The following TRPM4 variants were observed in gnomAD, a reference collection of about 807,000 sequenced individuals.
TRPM4 encodes the protein transient receptor potential cation channel subfamily M member 4.
In TRPM4, 124 loss-of-function variants were observed where a neutral mutation model predicts 135.6. That is an observed-to-expected ratio of 0.91 (90% confidence interval 0.79 to 1.06). The LOEUF (loss-of-function observed/expected upper bound fraction) is 1.06. Ranked by LOEUF, TRPM4 falls within the 50% of genes least tolerant of loss-of-function variation. TRPM4 has a pLI of 0.00. For missense variants in TRPM4, 1,658 were observed against 1,671.4 expected (o/e 0.99, Z 0.14); for synonymous variants, 745 against 705.6 (o/e 1.06, Z -0.88).
chr19:49,158,081 G>A (rs1443427764), intron 1 of TRPM4, 111 bp from the exon 2 acceptor site: 5 of 1,314,038 alleles, frequency 3.8e-6, no homozygotes, highest in Admixed American at 1.7e-5. Flanking sequence ...CTGGGGGCCC[G>A]GACTCCTGTG....
At chr19:49,186,160 A>T (rs960841874) in intron 12 of TRPM4, among the ~76,000 whole-genome samples, 8 of 152,124 alleles carry the variant, frequency 5.3e-5, no homozygotes, top group Non-Finnish European at 8.8e-5. Context: ...CTTGACAGAG[A>T]TATCCTTAAA....
intron 3 of TRPM4, among the ~76,000 whole-genome samples, chr19:49,166,702 CTG>C (rs1355912671): frequency 2.2e-4 from 33 of 150,044 alleles, no homozygotes; most frequent in Non-Finnish European, 3.7e-4. Context: ...CTCTTTGGGT[CTG>C]TGTTTCCGCT....
chr19:49,171,463 G>A lies in TRPM4; in HGVS notation c.858+45G>A. On this transcript the variant is annotated intron_variant, in intron 7 of 24. Coordinates refer to ENST00000252826, the MANE Select transcript of TRPM4 (RefSeq NM_017636.4). This position sits in a 1 kb window ranked among gnomAD's most constrained non-coding sequence, Gnocchi z 4.7. ...CGGATCTAAGGGGGAAGGAGGGTTG[G>A]GGGCCAGGACTCCTGGGTCCTGAGT... is the stretch of plus-strand genomic sequence containing the variant. 1 of 1,613,434 alleles carries A rather than the reference G, an allele frequency of 6.2e-7. No homozygotes were observed. The highest frequency in any genetic ancestry group is 1.3e-5 in the African/African-American group (1 of 75,022).
In TRPM4 at chr19:49,182,698, C is replaced by T. The variant is rs1412228220; in HGVS notation, c.1384C>T (p.Gln462Ter). The stretch of plus-strand genomic sequence containing the variant: ...CTTCCTGACCCCGATGCGCCTGGCC[C>T]AACTCTACAGCGCGGCGCCCTCCAA... ...GHFLTPMRLAQLYSAAPSNSL... is the reference protein window; with the variant it reads ...GHFLTPMRLA Residue 462 changes from glutamine to a stop codon, truncating the protein, a stop_gained, in exon 11 of 25, where the codon CAA becomes TAA. Transcript: ENST00000252826. LOFTEE classifies it high-confidence loss of function. 1 of 1,614,050 alleles carries T rather than the reference C, an allele frequency of 6.2e-7. No individual in the cohort carries two copies. Among genetic ancestry groups the T allele is most frequent in the African/African-American group, 1.3e-5 (1 of 74,948 alleles).
chr19:49,173,755 T>C (rs1967564326), intron 9 of TRPM4, among the ~76,000 whole-genome samples: 1 of 151,918 alleles, frequency 6.6e-6, no homozygotes, highest in Admixed American at 6.6e-5. Context: ...CCTCCCAGGC[T>C]CAAGTGATCC....
rs1411121338 is a variant in TRPM4 at position 49,210,429 on chromosome 19, A to T, written c.3328+24A>T. ...CCGTAAGAACAGAGCTTGGCTTAAA[A>T]AGGAGAAATATAGGGGACCGGGAGC... is the stretch of plus-strand genomic sequence containing the variant. On this transcript the variant is annotated intron_variant, in intron 21 of 24. Coordinates refer to ENST00000252826, the MANE Select transcript of TRPM4 (RefSeq NM_017636.4). The surrounding 1 kb of genome is among the most constrained non-coding windows in gnomAD (Gnocchi z 4.1). The T allele has an allele frequency of 6.2e-7, 1 of 1,610,258 alleles. No individual in the cohort carries two copies. The highest frequency in any genetic ancestry group is 1.7e-5 in the Admixed American group (1 of 60,002).
Position 49,183,122 on chromosome 19 carries a change from T to C in TRPM4, c.1653T>C (p.Asp551=). 6.2e-7 allele frequency: 1 copy of C among 1,613,838 alleles called. No individual in the cohort carries two copies. Among genetic ancestry groups the C allele is most frequent in the Non-Finnish European group, 8.5e-7 (1 of 1,180,014 alleles). Residue 551 remains aspartate, a synonymous_variant, in exon 12 of 25, where the codon GAT becomes GAC. Transcript: ENST00000252826. ...SDKATSPLSL[D]AGLGQAPWSD... is the part of the protein sequence containing the mutation. ...AGGCCACCTCGCCGCTCTCGCTGGATGCTGGCCTCGGGCAGGCCCCCTGGA... is the reference window on the plus strand; with the variant it reads ...AGGCCACCTCGCCGCTCTCGCTGGACGCTGGCCTCGGGCAGGCCCCCTGGA...
At chr19:49,193,123 C>T (rs964974795) in intron 16 of TRPM4, among the ~76,000 whole-genome samples, 2 of 150,128 alleles carry the variant, frequency 1.3e-5, no homozygotes, top group African/African-American at 4.9e-5. Flanking sequence ...CTCTGTCGCC[C>T]AGGCTGGAGT....
chr19:49,174,973 G>C (rs576615060), intron 9 of TRPM4, among the ~76,000 whole-genome samples: 2 of 149,012 alleles, frequency 1.3e-5, no homozygotes, highest in South Asian at 4.3e-4. Context: ...GTGTGATCTT[G>C]ACCCACTACA....
chr19:49,174,878 A>T (rs1967616807), intron 9 of TRPM4, among the ~76,000 whole-genome samples: 1 of 150,638 alleles, frequency 6.6e-6, no homozygotes, highest in South Asian at 2.1e-4. Flanking sequence ...CTGTGTGGGG[A>T]GGGTCATTTT....
intron 9 of TRPM4, among the ~76,000 whole-genome samples, chr19:49,173,454 C>T (rs1453255356): frequency 1.3e-5 from 2 of 152,340 alleles, no homozygotes; most frequent in East Asian, 3.9e-4. Flanking sequence ...ACTGTTCTTC[C>T]ATCTATCCAT....
rs2041543680 is a variant in TRPM4 at position 49,157,899 on chromosome 19, CG to C, written c.24+11del. The C allele has an allele frequency of 6.5e-7, 1 of 1,535,224 alleles. No individual in the cohort carries two copies. Among genetic ancestry groups the C allele is most frequent in the Non-Finnish European group, 8.7e-7 (1 of 1,146,532 alleles). On this transcript the variant is annotated intron_variant, in intron 1 of 24. Transcript: ENST00000252826. ...TGCCGGAGAAGGAGCAGGTGAGCGC[CG>C]GACCAGGGTCTGCGGGAGCGCGGAG... is the stretch of plus-strand genomic sequence containing the variant.
Position 49,210,795 on chromosome 19 carries a change from G to T in TRPM4, c.3414G>T (p.Arg1138Ser). 6.2e-7 allele frequency: 1 copy of T among 1,613,876 alleles called. No individual in the cohort carries two copies. Among genetic ancestry groups the T allele is most frequent in the South Asian group, 1.1e-5 (1 of 90,956 alleles). Residue 1138 changes from arginine (R) to serine (S), a missense_variant, in exon 22 of 25, where the codon AGG (arginine) becomes AGT (serine). Coordinates refer to ENST00000252826, the MANE Select transcript of TRPM4 (RefSeq NM_017636.4). This position sits in a 1 kb window ranked among gnomAD's most constrained non-coding sequence, Gnocchi z 4.1. ...HKENFLLARA[R>S]DKRESDSERL... ...AGAACTTTCTGCTGGCACGCGCTAG[G>T]GACAAGCGGGAGAGCGACTCCGAGC...
Position 49,158,227 on chromosome 19 carries a change from CA to C in TRPM4, c.61del (p.Thr21ArgfsTer4). Reference protein sequence around the residue: ...IPKIFKKKTCTTFIVDSTDPG... With the variant: ...IPKIFKKKTCXTFIVDSTDPG... ...CCAAGATCTTCAAGAAGAAGACCTG[CA>C]CGACGTTCATAGTTGACTCCACAGA... On this transcript the variant is annotated frameshift_variant, in exon 2 of 25. Transcript: ENST00000252826. LOFTEE classifies it high-confidence loss of function. 6.2e-7 allele frequency: 1 copy of C among 1,613,922 alleles called. No homozygotes were observed. Among genetic ancestry groups the C allele is most frequent in the African/African-American group, 1.3e-5 (1 of 74,984 alleles).
chr19:49,184,902 T>C (rs1465099393), intron 12 of TRPM4, among the ~76,000 whole-genome samples: 1 of 151,784 alleles, frequency 6.6e-6, no homozygotes, highest in African/African-American at 2.4e-5. Context: ...AAGACCTATA[T>C]ACAGATAAGA....
intron 16 of TRPM4, among the ~76,000 whole-genome samples, chr19:49,195,053 C>T (rs924328656): frequency 1.1e-4 from 16 of 151,916 alleles, no homozygotes; most frequent in East Asian, 3.9e-4. Flanking sequence ...TGAGCTACCA[C>T]GCCCAGCCTC....
rs201844324 is a variant in TRPM4, at chr19:49,185,750, C to CT, written c.1743+2546dup. Among the ~76,000 whole-genome samples the CT allele has an allele frequency of 1.6e-4, 24 of 150,754 alleles. No homozygotes were observed. In the South Asian group the frequency reaches 4.4e-3, roughly 28 times the overall value. On this transcript the variant is annotated intron_variant, in intron 12 of 24. Transcript: ENST00000252826. ...TTAGTGACTTTTCTTTTTTCTTTTTCTTTTTTTTGGGGGGAGGGGGGATGG... is the reference window on the plus strand; with the variant it reads ...TTAGTGACTTTTCTTTTTTCTTTTTCTTTTTTTTTGGGGGGAGGGGGGATGG...
rs969659972 is a variant in TRPM4, at chr19:49,206,533, G to A, written c.3132-3676G>A. Reference sequence around the variant, plus strand: ...CAGCTCACCACAACCTCTGCCTCCCGGGCTCAAGCGATTCTCCTGCCTCAG... The same window carrying A: ...CAGCTCACCACAACCTCTGCCTCCCAGGCTCAAGCGATTCTCCTGCCTCAG... On this transcript the variant is annotated intron_variant, in intron 20 of 24. Transcript: ENST00000252826. Among the ~76,000 whole-genome samples, 7 of 150,684 alleles carry A rather than the reference G, an allele frequency of 4.6e-5. No homozygotes were observed. The East Asian group carries it at 1.4e-3, about 30-fold the overall frequency.
Position 49,210,329 on chromosome 19 carries a change from C to T in TRPM4, c.3252C>T (p.His1084=), listed in dbSNP as rs766411985. The part of the protein sequence containing the change: ...ALAPPFIVIS[H]LRLLLRQLCR... The stretch of plus-strand genomic sequence containing the variant: ...CCCCGCCCTTTATCGTCATCTCCCA[C>T]TTGCGCCTCCTGCTCAGGCAATTGT... Residue 1084 remains histidine, a synonymous_variant, in exon 21 of 25, where the codon CAC becomes CAT. Transcript: ENST00000252826. This position sits in a 1 kb window ranked among gnomAD's most constrained non-coding sequence, Gnocchi z 4.1. 1 of 1,614,246 alleles carries T rather than the reference C, an allele frequency of 6.2e-7. No individual in the cohort carries two copies. Among genetic ancestry groups the T allele is most frequent in the South Asian group, 1.1e-5 (1 of 91,088 alleles).
Sources: allele counts gnomAD v4.1 joint callset (sites outside exome capture counted in the v4.1 genomes callset), GRCh38; gene constraint gnomAD v4.1.1; non-coding constraint Gnocchi (gnomAD v3.1); transcripts MANE v1.5; gene names NCBI Gene and HGNC (gene_info 2026-07-23, HGNC 2026-07-21).